Variants in MAD1L1 observed in about 807,000 individuals in gnomAD.
MAD1L1 encodes mitotic spindle assembly checkpoint protein MAD1.
In MAD1L1, 95 loss-of-function variants were observed where a neutral mutation model predicts 96.9. The ratio of observed to expected loss-of-function variants is 0.98; its 90% CI spans 0.83 to 1.16. The LOEUF (loss-of-function observed/expected upper bound fraction) is 1.16, where lower values mean the gene tolerates loss of function less well. Ranked by LOEUF, MAD1L1 falls within the 50% of genes most tolerant of loss-of-function variation. The pLI is 0.00. For synonymous variants in MAD1L1, 473 were observed against 396.6 expected (o/e 1.19, Z -2.29); for missense variants, 1,007 against 954.4 (o/e 1.06, Z -0.73).
intron 10 of MAD1L1, chr7:2,193,236 AAGCCACGCCCC>A (rs1791813834): frequency 6.6e-6 from 1 of 152,660 alleles, no homozygotes; most frequent in Non-Finnish European, 1.5e-5. Context: ...CCATCGGCCC[AAGCCACGCCCC>A]AGCATACTCA....
intron 1 of MAD1L1, among the ~76,000 whole-genome samples, chr7:2,231,418 G>A (rs1389250495): frequency 2.6e-5 from 4 of 152,004 alleles, no homozygotes; most frequent in Non-Finnish European, 5.9e-5. Context: ...TCAGGAGTTC[G>A]AGACCAGCCT....
intron 18 of MAD1L1, among the ~76,000 whole-genome samples, chr7:1,852,187 T>C (rs1784013892): frequency 6.6e-6 from 1 of 152,158 alleles, no homozygotes; most frequent in Admixed American, 6.5e-5. Context: ...CAGGTTGGGA[T>C]GGACGTGACC....
intron 5 of MAD1L1, 95 bp from the exon 6 acceptor site, chr7:2,219,551 C>T (rs1793478471): frequency 1.5e-6 from 2 of 1,375,996 alleles, no homozygotes; most frequent in Non-Finnish European, 1.0e-6. Context: ...AGAGGCGACA[C>T]CACCCACGTG....
At chr7:1,914,423 G>A (rs1369973387) in intron 17 of MAD1L1, among the ~76,000 whole-genome samples, 2 of 152,228 alleles carry the variant, frequency 1.3e-5, no homozygotes, top group African/African-American at 2.4e-5. Context: ...CTAGAGATCC[G>A]AAGATGTGCG....
chr7:1,852,702 C>T (rs1404782355), intron 18 of MAD1L1, among the ~76,000 whole-genome samples: 1 of 152,008 alleles, frequency 6.6e-6, no homozygotes, highest in Admixed American at 6.5e-5. Flanking sequence ...AGGAAGTAAT[C>T]ATACCGCTAA....
At chr7:2,190,557 C>T (rs1271446618) in intron 10 of MAD1L1, among the ~76,000 whole-genome samples, 1 of 152,226 alleles carries the variant, frequency 6.6e-6, no homozygotes, top group African/African-American at 2.4e-5. Context: ...ATTCACCATA[C>T]ATCTGACAAA....
intron 11 of MAD1L1, among the ~76,000 whole-genome samples, chr7:2,123,818 C>T (rs910058312): frequency 6.6e-6 from 1 of 152,238 alleles, no homozygotes; most frequent in Non-Finnish European, 1.5e-5. Flanking sequence ...AAAGAATCAG[C>T]GCTGTTTACC....
intron 18 of MAD1L1, among the ~76,000 whole-genome samples, chr7:1,892,373 C>A (rs1307785815): frequency 2.6e-5 from 4 of 152,228 alleles, no homozygotes; most frequent in Non-Finnish European, 5.9e-5. Context: ...CCGTACTAGA[C>A]TTACACATAT....
At chr7:1,985,154 T>G (rs572938292) in intron 14 of MAD1L1, among the ~76,000 whole-genome samples, 3 of 152,322 alleles carry the variant, frequency 2.0e-5, no homozygotes, top group Admixed American at 6.5e-5. Context: ...GGTTTGTGGA[T>G]GAGATCAGCA....
intron 14 of MAD1L1, among the ~76,000 whole-genome samples, chr7:1,981,473 C>T (rs760621122): frequency 2.0e-5 from 3 of 152,146 alleles, no homozygotes; most frequent in Non-Finnish European, 4.4e-5. Flanking sequence ...AAGGCCCACC[C>T]AGAGACGCCC....
chr7:1,989,630 C>T lies in MAD1L1; in HGVS notation c.1417-9089G>A, dbSNP rs372096366. ...CGCGAGCACAGACGTCCCGGCAGCG[C>T]TCCAGCCTCAGCGTGGACCAGCCCC... On this transcript the variant is annotated intron_variant, in intron 14 of 18. Transcript: ENST00000265854. Among the ~76,000 whole-genome samples the T allele has an allele frequency of 3.1e-3, 476 of 152,276 alleles. 2 individuals carry two copies. Among genetic ancestry groups the T allele is most frequent in the African/African-American group, 0.011 (447 of 41,552 alleles).
At chr7:2,074,565 G>T (rs1243891036) in intron 11 of MAD1L1, among the ~76,000 whole-genome samples, 1 of 152,220 alleles carries the variant, frequency 6.6e-6, no homozygotes, top group Admixed American at 6.5e-5. Flanking sequence ...GAATCTGCAG[G>T]CTGGCAGGCT....
chr7:2,028,996 A>G (rs915118251), intron 12 of MAD1L1, among the ~76,000 whole-genome samples: 4 of 152,236 alleles, frequency 2.6e-5, no homozygotes, highest in Non-Finnish European at 5.9e-5. Context: ...ACCCTGGAAC[A>G]ACCTGGAGGG....
intron 11 of MAD1L1, among the ~76,000 whole-genome samples, chr7:2,148,868 A>T (rs1474497571): frequency 2.0e-5 from 3 of 152,204 alleles, no homozygotes; most frequent in African/African-American, 7.2e-5. Flanking sequence ...TCCTGATCCA[A>T]GGAGGGACCC....
chr7:2,207,753 C>T (rs1047696136), intron 10 of MAD1L1, among the ~76,000 whole-genome samples: 2 of 152,202 alleles, frequency 1.3e-5, no homozygotes, highest in African/African-American at 2.4e-5. Context: ...TAGCAGGGGC[C>T]TCGTTTAACA....
In MAD1L1 at chr7:1,904,894, C is replaced by A. The variant is rs1396217163; in HGVS notation, c.1808-6504G>T. On this transcript the variant is annotated intron_variant, in intron 17 of 18. Coordinates refer to ENST00000265854, the MANE Select transcript of MAD1L1 (RefSeq NM_001013836.2). ...ATGATTGATGAAGCACTGTTCCAGG[C>A]AGCAAGGATGCAGTCGCCTATGGAA... 3.9e-5 allele frequency among the ~76,000 whole-genome samples: 4 copies of A among 103,220 alleles called. 1 individual carries two copies. The highest frequency in any genetic ancestry group is 9.9e-5 in the Admixed American group (1 of 10,056). 67.7% of individuals were successfully genotyped at this position (103,220 alleles called of 152,430 possible).
chr7:1,912,824 G>A (rs1417525870), intron 17 of MAD1L1, among the ~76,000 whole-genome samples: 1 of 152,248 alleles, frequency 6.6e-6, no homozygotes, highest in Non-Finnish European at 1.5e-5. Flanking sequence ...GTTTCCGGAA[G>A]CTTCCCTCCA....
intron 18 of MAD1L1, among the ~76,000 whole-genome samples, chr7:1,816,702 G>A (rs531987814): frequency 2.3e-4 from 35 of 152,178 alleles, no homozygotes; most frequent in South Asian, 6.2e-4. Flanking sequence ...TGTGGATTCT[G>A]CAGCCCAGAG....
chr7:1,946,755 T>A (rs910571739), intron 16 of MAD1L1, among the ~76,000 whole-genome samples: 1 of 152,230 alleles, frequency 6.6e-6, no homozygotes, highest in African/African-American at 2.4e-5. Context: ...GGCCTAGGGT[T>A]CTGGAGATGA....
Sources: gnomAD v4.1 joint callset for allele counts (sites outside exome capture counted in the v4.1 genomes callset) on GRCh38, gnomAD v4.1.1 for gene constraint, MANE v1.5 for transcripts, NCBI Gene and HGNC (gene_info 2026-07-23, HGNC 2026-07-21) for gene names.